The following FANCC variants were observed in gnomAD, a reference collection of about 807,000 sequenced individuals.
The protein encoded by FANCC is Fanconi anemia group C protein.
Under a neutral mutation model 71.3 loss-of-function variants are expected in FANCC, and 55 were observed. The observed-to-expected ratio is 0.77, with a 90% CI of 0.62 to 0.97. The LOEUF (loss-of-function observed/expected upper bound fraction) is 0.97. Ranked by LOEUF, FANCC falls within the 50% of genes least tolerant of loss-of-function variation. FANCC has a pLI of 0.00. For missense variants in FANCC, 678 were observed against 670.9 expected (o/e 1.01, Z -0.12); for synonymous variants, 275 against 244.9 (o/e 1.12, Z -1.15).
intron 10 of FANCC, among the ~76,000 whole-genome samples, chr9:95,122,649 C>T (rs934539508): frequency 2.6e-5 from 4 of 152,156 alleles, no homozygotes; most frequent in African/African-American, 9.7e-5. Context: ...AACATCAGTC[C>T]CAATCCATAG....
At chr9:95,204,365 T>C (rs1169972911) in intron 4 of FANCC, among the ~76,000 whole-genome samples, 3 of 152,196 alleles carry the variant, frequency 2.0e-5, no homozygotes, top group East Asian at 3.8e-4. Context: ...TAATTAGGCA[T>C]TGGTAACTGG....
chr9:95,139,280 A>G (rs1411075463), intron 7 of FANCC, among the ~76,000 whole-genome samples: 1 of 152,126 alleles, frequency 6.6e-6, no homozygotes, highest in African/African-American at 2.4e-5. Flanking sequence ...CGCTGAGGAG[A>G]GTGACAACAC....
rs1835845534 is a variant in FANCC at position 95,317,556 on chromosome 9, GT to G, written c.-110del. 1 of 152,282 alleles carries G rather than the reference GT, an allele frequency of 6.6e-6. No individual in the cohort carries two copies. The highest frequency in any genetic ancestry group is 2.4e-5 in the African/African-American group (1 of 41,470). The allele number at this position is 152,282 out of a possible 1,614,324, so 9.4% of individuals were successfully genotyped here. ...GGTCCTCGCGGGAGCTGCTTCAGCA[GT>G]TTGGGCAGTGGCGGAAAGGAAGCCA... On this transcript the variant is annotated 5_prime_UTR_variant, in exon 1 of 15. Transcript: ENST00000289081.
At chr9:95,254,932 C>A (rs773714473) in intron 1 of FANCC, among the ~76,000 whole-genome samples, 1 of 152,148 alleles carries the variant, frequency 6.6e-6, no homozygotes, top group African/African-American at 2.4e-5. Flanking sequence ...GAAGGCGGTT[C>A]TCCCCTGACA....
At position 95,254,107 on chromosome 9, in the gene FANCC, AT is replaced by A. The variant is rs386736468; in HGVS notation, c.-78-4739del. On this transcript the variant is annotated intron_variant, in intron 1 of 14. Transcript: ENST00000289081. Reference sequence around the variant, plus strand: ...GCTTTAGAGGAAAGGAAGATGTGCTATTGGGAAGGTGTGCAAGAATGGCACC... The same window carrying A: ...GCTTTAGAGGAAAGGAAGATGTGCTATGGGAAGGTGTGCAAGAATGGCACC... 9.7e-4 allele frequency among the ~76,000 whole-genome samples: 148 copies of A among 152,284 alleles called. 2 individuals carry two copies. Among genetic ancestry groups the A allele is most frequent in the African/African-American group, 3.5e-3 (145 of 41,570 alleles).
At chr9:95,305,764 GTTAAAAGTATAT>G in intron 1 of FANCC, among the ~76,000 whole-genome samples, 1 of 152,196 alleles carries the variant, frequency 6.6e-6, no homozygotes, top group Non-Finnish European at 1.5e-5. Flanking sequence ...CATACTTCAG[GTTAAAAGTATAT>G]TTTATTCCAA....
chr9:95,202,006 A>G (rs547326334), intron 4 of FANCC, among the ~76,000 whole-genome samples: 1 of 152,376 alleles, frequency 6.6e-6, no homozygotes, highest in South Asian at 2.1e-4. Context: ...GTAATATATA[A>G]GGCAGATGGT....
chr9:95,099,622 G>T lies in FANCC; in HGVS notation c.*2085C>A, dbSNP rs4647559. 2,811 of 231,330 alleles carry T rather than the reference G, an allele frequency of 0.012. 85 individuals carry two copies. Among genetic ancestry groups the T allele is most frequent in the African/African-American group, 0.058 (2,609 of 45,186 alleles). The allele number at this position is 231,330 out of a possible 1,614,324, so 14.3% of individuals were successfully genotyped here. A position where few individuals can be genotyped will look rare whatever the true frequency, so the allele number is the denominator to read the frequency against. ...CTCCCCACCTTTGAGCATCTCTCAG[G>T]CTGGGAAAGGGCAAAGGGCCACATG... On this transcript the variant is annotated 3_prime_UTR_variant, in exon 15 of 15. Coordinates refer to ENST00000289081, the MANE Select transcript of FANCC (RefSeq NM_000136.3).
intron 1 of FANCC, among the ~76,000 whole-genome samples, chr9:95,277,797 A>G (rs546569969): frequency 6.6e-6 from 1 of 152,320 alleles, no homozygotes; most frequent in South Asian, 2.1e-4. Flanking sequence ...GTCAACCAAG[A>G]ATCCCATATC....
At chr9:95,146,918 G>A (rs1483620475) in intron 7 of FANCC, among the ~76,000 whole-genome samples, 1 of 151,856 alleles carries the variant, frequency 6.6e-6, no homozygotes, top group Non-Finnish European at 1.5e-5. Flanking sequence ...GAAGAAATAA[G>A]TACACTTTGT....
At chr9:95,103,042 A>ATGGCCTTCGGTAGATGCAGCC (rs2071182317) in intron 14 of FANCC, among the ~76,000 whole-genome samples, 2 of 152,118 alleles carry the variant, frequency 1.3e-5, no homozygotes, top group Admixed American at 1.3e-4. Context: ...CATAGTGCTG[A>ATGGCCTTCGGTAGATGCAGCC]TGGCCTTCGG....
intron 4 of FANCC, among the ~76,000 whole-genome samples, chr9:95,178,612 A>G (rs1398173112): frequency 6.6e-6 from 1 of 152,238 alleles, no homozygotes; most frequent in African/African-American, 2.4e-5. Flanking sequence ...GGAGGCAGGA[A>G]GAGACGCAGG....
At chr9:95,218,187 G>A (rs1018886942) in intron 4 of FANCC, among the ~76,000 whole-genome samples, 5 of 152,242 alleles carry the variant, frequency 3.3e-5, no homozygotes, top group African/African-American at 4.8e-5. Context: ...AGGGCAGGCC[G>A]AGTGTGGTGG....
At chr9:95,148,509 A>G (rs972013567) in intron 7 of FANCC, among the ~76,000 whole-genome samples, 8 of 152,256 alleles carry the variant, frequency 5.3e-5, no homozygotes, top group African/African-American at 1.9e-4. Context: ...TTAGCTTTTA[A>G]GCAGAAATTA....
intron 4 of FANCC, among the ~76,000 whole-genome samples, chr9:95,180,339 CTTTTTTTTTTTTT>C (rs34697587): frequency 1.2e-5 from 1 of 82,162 alleles, no homozygotes; most frequent in African/African-American, 4.7e-5. Context: ...ACAGTTAACT[CTTTTTTTTTTTTT>C]TTTTTTTTTT....
In FANCC at chr9:95,292,400, C is replaced by T. The variant is rs867553632; in HGVS notation, c.-79+25126G>A. 858 of 1,050,160 alleles carry T rather than the reference C, an allele frequency of 8.2e-4. 3 individuals are homozygous for T. In the African/African-American group the frequency reaches 0.014, roughly 17 times the overall value. 65.1% of individuals were successfully genotyped at this position (1,050,160 alleles called of 1,614,324 possible). A position where few individuals can be genotyped will look rare whatever the true frequency, so the allele number is the denominator to read the frequency against. On this transcript the variant is annotated intron_variant, in intron 1 of 14. Coordinates refer to ENST00000289081, the MANE Select transcript of FANCC (RefSeq NM_000136.3). Reference sequence around the variant, plus strand: ...CGGCTCTGGCGGCGGGTGCCCGCGCCGTCCCGGCGGCCACGAGAGGAGCCT... The same window carrying T: ...CGGCTCTGGCGGCGGGTGCCCGCGCTGTCCCGGCGGCCACGAGAGGAGCCT...
chr9:95,221,360 A>G (rs944580007), intron 4 of FANCC, among the ~76,000 whole-genome samples: 1 of 152,228 alleles, frequency 6.6e-6, no homozygotes, highest in African/African-American at 2.4e-5. Flanking sequence ...AATAGATCAC[A>G]TATCTAAATG....
intron 10 of FANCC, chr9:95,123,572 G>A (rs753472051): frequency 1.6e-5 from 9 of 568,624 alleles, no homozygotes; most frequent in Admixed American, 7.6e-5. Context: ...CCGCGGCCAC[G>A]TGCAGCCTAT....
In FANCC at chr9:95,135,377, C is replaced by G; in HGVS notation, c.812G>C (p.Arg271Thr). Reference sequence around the variant, plus strand: ...TGAATCTTTTATAAAGCATTCGATCCTTCTCAGACAATTTCTCTCACTGGA... The same window carrying G: ...TGAATCTTTTATAAAGCATTCGATCGTTCTCAGACAATTTCTCTCACTGGA... The part of the protein sequence containing the change: ...LISSERNCLR[R>T]IECFIKDSSL... The change falls in exon 8 of 15, where the codon AGG (arginine) becomes ACG (threonine). Residue 271 changes from arginine (R) to threonine (T), a missense_variant. Transcript: ENST00000289081. 6.2e-7 allele frequency: 1 copy of G among 1,614,092 alleles called. No homozygotes were observed. Among genetic ancestry groups the G allele is most frequent in the Non-Finnish European group, 8.5e-7 (1 of 1,180,030 alleles).
Sources: allele counts gnomAD v4.1 joint callset (sites outside exome capture counted in the v4.1 genomes callset), GRCh38; gene constraint gnomAD v4.1.1; transcripts MANE v1.5; gene names NCBI Gene and HGNC (gene_info 2026-07-23, HGNC 2026-07-21).